The following ATP2A3 variants were observed in gnomAD, a reference collection of about 807,000 sequenced individuals.
ATP2A3 encodes ATPase sarcoplasmic/endoplasmic reticulum Ca2+ transporting 3, also known as sarcoplasmic/endoplasmic reticulum calcium ATPase 3.
ATP2A3 carries 61 observed loss-of-function variants against 106.8 expected under a neutral mutation model. The observed-to-expected ratio is 0.57, with a 90% CI of 0.46 to 0.71. ATP2A3 has a LOEUF of 0.71. Among genes scored for constraint, ATP2A3 ranks in the 30% least tolerant of loss-of-function variants. ATP2A3 has a pLI of 0.00. For missense variants in ATP2A3, 1,201 were observed against 1,423.5 expected (o/e 0.84, Z 2.52); for synonymous variants, 611 against 609.3 (o/e 1.00, Z -0.04).
rs1306498158 is a variant in ATP2A3, at chr17:3,926,908, C to T, written c.2981-1467G>A. 9 of 985,474 alleles carry T rather than the reference C, an allele frequency of 9.1e-6. No individual in the cohort carries two copies. The highest frequency in any genetic ancestry group is 9.6e-6 in the Non-Finnish European group (8 of 829,942). 61.0% of individuals were successfully genotyped at this position (985,474 alleles called of 1,614,324 possible). ...CCTCTTGCCTGTCCTCCATGGTTGACACAGTCCGCACCGTGCTTACACTCC... is the reference window on the plus strand; with the variant it reads ...CCTCTTGCCTGTCCTCCATGGTTGATACAGTCCGCACCGTGCTTACACTCC... On this transcript the variant is annotated intron_variant, in intron 20 of 20. Transcript: ENST00000397041. The surrounding 1 kb of genome is among the most constrained non-coding windows in gnomAD (Gnocchi z 4.6).
chr17:3,963,591 C>A (rs1487188373), intron 1 of ATP2A3, among the ~76,000 whole-genome samples: 1 of 152,244 alleles, frequency 6.6e-6, no homozygotes, highest in African/African-American at 2.4e-5. Context: ...AGGTGGGTCT[C>A]CCGCCTCAGC....
At position 3,950,768 on chromosome 17, in the gene ATP2A3, C is replaced by T; in HGVS notation, c.469G>A (p.Asp157Asn). The change falls in exon 6 of 21, where the codon GAC becomes AAC. Residue 157 changes from aspartate to asparagine, a missense_variant. Around this residue, in one of 2 missense-constraint regions of ATP2A3, gnomAD observed 266 missense variants for 246.8 expected, o/e 1.08. Coordinates refer to ENST00000397041, the MANE Select transcript of ATP2A3 (RefSeq NM_005173.4). ...PGDIVEVAVG[D>N]KVPADLRLIE... ...AGGCGGAGGTCAGCAGGCACTTTGT[C>T]CCCCACTGTGCGGGGAGAATGGCTT... 6.2e-7 allele frequency: 1 copy of T among 1,613,118 alleles called. No individual in the cohort carries two copies. The highest frequency in any genetic ancestry group is 8.5e-7 in the Non-Finnish European group (1 of 1,179,908).
At chr17:3,950,213 G>A (rs1278369455) in intron 7 of ATP2A3, among the ~76,000 whole-genome samples, 4 of 150,440 alleles carry the variant, frequency 2.7e-5, no homozygotes, top group Admixed American at 1.3e-4. Flanking sequence ...CCAGGCTGGA[G>A]TGCAGTGGCA....
At chr17:3,945,015 C>T in intron 9 of ATP2A3, 45 bp downstream of exon 9, 2 of 1,457,146 alleles carry the variant, frequency 1.4e-6, no homozygotes, top group Non-Finnish European at 1.8e-6. Context: ...CGCGTGGCCC[C>T]GCCCCCAGGC....
intron 16 of ATP2A3, among the ~76,000 whole-genome samples, chr17:3,935,478 T>A (rs960737943): frequency 7.3e-5 from 11 of 151,462 alleles, no homozygotes; most frequent in East Asian, 1.9e-4. Flanking sequence ...TTGGCCCCAG[T>A]GCTTGGAGAT....
chr17:3,951,543 A>ACC lies in ATP2A3; in HGVS notation c.324+36_324+37dup, dbSNP rs56224024. On this transcript the variant is annotated intron_variant, in intron 4 of 20. Coordinates refer to ENST00000397041, the MANE Select transcript of ATP2A3 (RefSeq NM_005173.4). ...GGAGGGCACTCCTAGTGGCTGGGAG[A>ACC]CCGCCCCCCGCCCGGTCCCACCCCC... is the stretch of plus-strand genomic sequence containing the variant. The ACC allele has an allele frequency of 4.3e-3, 5,897 of 1,385,514 alleles. 44 individuals carry two copies. Among genetic ancestry groups the ACC allele is most frequent in the Non-Finnish European group, 4.9e-3 (4,923 of 1,011,016 alleles). The allele number at this position is 1,385,514 out of a possible 1,614,324, so 85.8% of individuals were successfully genotyped here.
In ATP2A3 at chr17:3,941,313, G is replaced by C. The variant is rs750988113; in HGVS notation, c.1765-7C>G. ...CCACGAAGGTCAGGTCCGTCTGTAG[G>C]GAGGGGGCAGATTCAAGCGGGGCCT... is the stretch of plus-strand genomic sequence containing the variant. On this transcript the variant is annotated splice_region_variant and splice_polypyrimidine_tract_variant and intron_variant, in intron 13 of 20. Coordinates refer to ENST00000397041, the MANE Select transcript of ATP2A3 (RefSeq NM_005173.4). 4.3e-6 allele frequency: 7 copies of C among 1,613,680 alleles called. No individual in the cohort carries two copies. Among genetic ancestry groups the C allele is most frequent in the Non-Finnish European group, 5.9e-6 (7 of 1,179,862 alleles).
rs1371747848 is a variant in ATP2A3 at position 3,947,343 on chromosome 17, C to T, written c.1095+48G>A. 6.2e-7 allele frequency: 1 copy of T among 1,608,082 alleles called. No homozygotes were observed. Among genetic ancestry groups the T allele is most frequent in the Non-Finnish European group, 8.5e-7 (1 of 1,175,976 alleles). The stretch of plus-strand genomic sequence containing the variant: ...TGGGGGAGAGACCCAGAGAGGGAGC[C>T]CAGCCTGCTCTGCAACGCACAGCAA... On this transcript the variant is annotated intron_variant, in intron 8 of 20. Coordinates refer to ENST00000397041, the MANE Select transcript of ATP2A3 (RefSeq NM_005173.4). This position sits in a 1 kb window ranked among gnomAD's most constrained non-coding sequence, Gnocchi z 7.7.
At chr17:3,951,556 C>CCCCCCCCT in intron 4 of ATP2A3, 25 bp downstream of exon 4, 6 of 1,345,680 alleles carry the variant, frequency 4.5e-6, no homozygotes, top group South Asian at 1.2e-5. Flanking sequence ...GCCCCCCGCC[C>CCCCCCCCT]GGTCCCACCC....
chr17:3,954,565 T>G (rs370455870), intron 1 of ATP2A3, among the ~76,000 whole-genome samples: 1 of 150,882 alleles, frequency 6.6e-6, no homozygotes, highest in Admixed American at 6.6e-5. Flanking sequence ...GGCGCAATCT[T>G]GGCTCACTGC....
At chr17:3,939,572 A>G (rs1309732002) in intron 14 of ATP2A3, among the ~76,000 whole-genome samples, 1 of 151,838 alleles carries the variant, frequency 6.6e-6, no homozygotes, top group East Asian at 1.9e-4. Context: ...GCGGATCACA[A>G]GGTCAAGAGA....
At position 3,928,180 on chromosome 17, in the gene ATP2A3, G is replaced by A. The variant is rs1567674439; in HGVS notation, c.2980+483C>T. The A allele has an allele frequency of 6.2e-7, 1 of 1,602,574 alleles. No individual in the cohort carries two copies. The highest frequency in any genetic ancestry group is 1.7e-5 in the Admixed American group (1 of 59,988). On this transcript the variant is annotated intron_variant, in intron 20 of 20. Coordinates refer to ENST00000397041, the MANE Select transcript of ATP2A3 (RefSeq NM_005173.4). This position sits in a 1 kb window ranked among gnomAD's most constrained non-coding sequence, Gnocchi z 6.1. ...CCGGGGTTAAGGCAGACCCAGAGCT[G>A]TGAGCTCAGAAACAACCCTCCCCTT...
intron 14 of ATP2A3, among the ~76,000 whole-genome samples, chr17:3,939,043 T>C (rs1287508817): frequency 6.6e-6 from 1 of 152,028 alleles, no homozygotes; most frequent in Non-Finnish European, 1.5e-5. Context: ...GGTGCATGCC[T>C]GTAGTCCCAG....
chr17:3,949,978 G>A (rs1219855833), intron 7 of ATP2A3, among the ~76,000 whole-genome samples: 2 of 151,488 alleles, frequency 1.3e-5, no homozygotes, highest in Non-Finnish European at 2.9e-5. Context: ...CCTGGTGAAC[G>A]TGGTGAAACC....
Position 3,950,598 on chromosome 17 carries a change from T to C in ATP2A3, c.545-2A>G, listed in dbSNP as rs1298373542. 1.9e-6 allele frequency: 3 copies of C among 1,614,132 alleles called. No homozygotes were observed. The highest frequency in any genetic ancestry group is 1.7e-6 in the Non-Finnish European group (2 of 1,179,988). ...GCTTGGTCACGGACACAGATTCACC[T>C]GGTCAGGGAATCAGAGATGAGAAGC... On this transcript the variant is annotated splice_acceptor_variant, in intron 6 of 20. Coordinates refer to ENST00000397041, the MANE Select transcript of ATP2A3 (RefSeq NM_005173.4). LOFTEE classifies it high-confidence loss of function.
chr17:3,951,544 C>CCA, intron 4 of ATP2A3, 37 bp downstream of exon 4: 1 of 1,317,054 alleles, frequency 7.6e-7, no homozygotes, highest in Non-Finnish European at 1.0e-6. Context: ...GGCTGGGAGA[C>CCA]CGCCCCCCGC....
rs202180297 is a variant in ATP2A3, at chr17:3,950,679, G to T, written c.544+14C>A. 4.8e-5 allele frequency: 78 copies of T among 1,610,102 alleles called. No individual in the cohort carries two copies. Among genetic ancestry groups the T allele is most frequent in the African/African-American group, 4.1e-4 (31 of 74,818 alleles). On this transcript the variant is annotated intron_variant, in intron 6 of 20. Transcript: ENST00000397041. ...CTGGCCCACTAGGTCCCGGCCTCCT[G>T]GGGGGGGCCTCACCCGTCAGGATGG...
rs1387702074 is a variant in ATP2A3 at position 3,928,647 on chromosome 17, G to A, written c.2980+16C>T. ...CGGGGAGGCAGGCTGGAGGCGGGAC[G>A]GGGCCTCCCACTCACCGTGCATGTG... On this transcript the variant is annotated intron_variant, in intron 20 of 20. Coordinates refer to ENST00000397041, the MANE Select transcript of ATP2A3 (RefSeq NM_005173.4). The surrounding 1 kb of genome is among the most constrained non-coding windows in gnomAD (Gnocchi z 6.1). 1.3e-6 allele frequency: 2 copies of A among 1,543,054 alleles called. No homozygotes were observed. The highest frequency in any genetic ancestry group is 1.8e-6 in the Non-Finnish European group (2 of 1,140,356).
chr17:3,929,766 A>AC lies in ATP2A3; in HGVS notation c.2745-322dup. The stretch of plus-strand genomic sequence containing the variant: ...CCAAATCTTTGGATCCCAATCTTGG[A>AC]CCCCCACTGACCCCCAGACCCTAAT... On this transcript the variant is annotated intron_variant, in intron 18 of 20. Transcript: ENST00000397041. The surrounding 1 kb of genome is among the most constrained non-coding windows in gnomAD (Gnocchi z 4.3). Among the ~76,000 whole-genome samples the AC allele has an allele frequency of 6.6e-6, 1 of 151,358 alleles. No homozygotes were observed. The highest frequency in any genetic ancestry group is 3.4e-3 in the Middle Eastern group (1 of 294).
Sources: gnomAD v4.1 joint callset for allele counts (sites outside exome capture counted in the v4.1 genomes callset) on GRCh38, gnomAD v4.1.1 for gene constraint, gnomAD v4.1.1 regional missense constraint, Gnocchi (gnomAD v3.1) non-coding constraint, MANE v1.5 for transcripts, NCBI Gene and HGNC (gene_info 2026-07-23, HGNC 2026-07-21) for gene names.